DNAH9: variants seen among roughly 807,000 people sequenced by gnomAD.
The protein encoded by DNAH9 is dynein axonemal heavy chain 9, also known as DNAH9 variant protein.
Under a neutral mutation model 471.6 loss-of-function variants are expected in DNAH9, and 345 were observed. That is an observed-to-expected ratio of 0.73 (90% confidence interval 0.67 to 0.80). The LOEUF is 0.80. DNAH9 is among the 30% of genes least tolerant of loss of function. The pLI is 0.00. For missense variants in DNAH9, 5,407 were observed against 5,609.2 expected (o/e 0.96, Z 1.15); for synonymous variants, 2,093 against 2,123.6 (o/e 0.99, Z 0.40).
At chr17:11,748,029 G>A (rs952685520) in intron 32 of DNAH9, among the ~76,000 whole-genome samples, 3 of 151,978 alleles carry the variant, frequency 2.0e-5, no homozygotes, top group African/African-American at 7.3e-5. Context: ...AGCTGGCTGG[G>A]CACAGTGGCT....
intron 45 of DNAH9, among the ~76,000 whole-genome samples, chr17:11,813,045 GAC>G (rs1969980710): frequency 6.6e-6 from 1 of 152,030 alleles, no homozygotes; most frequent in South Asian, 2.1e-4. Context: ...TAACATCTGA[GAC>G]ACAGAGTTGT....
chr17:11,924,993 G>A (rs1330107723), intron 62 of DNAH9, among the ~76,000 whole-genome samples: 4 of 152,050 alleles, frequency 2.6e-5, no homozygotes, highest in African/African-American at 9.7e-5. Context: ...TCTCAGGGCC[G>A]GCCTGCCTAA....
At chr17:11,615,611 G>A (rs1047245795) in intron 4 of DNAH9, among the ~76,000 whole-genome samples, 1 of 151,840 alleles carries the variant, frequency 6.6e-6, no homozygotes, top group African/African-American at 2.4e-5. Flanking sequence ...AAAAAGGTAT[G>A]AGCCCAGCTC....
intron 11 of DNAH9, 50 bp from the exon 12 acceptor site, chr17:11,647,022 G>C: frequency 6.2e-7 from 1 of 1,601,468 alleles, no homozygotes; most frequent in Non-Finnish European, 8.5e-7. Context: ...CCAGGCACCG[G>C]TGAGCTGGGA....
In DNAH9 at chr17:11,714,293, A is replaced by G. The variant is rs191044948; in HGVS notation, c.5553-5041A>G. The stretch of plus-strand genomic sequence containing the variant: ...ATGGTTGGAAGATTACTTTACATTC[A>G]TCCCTCTTAAATTGGATTTTGTTGG... On this transcript the variant is annotated intron_variant, in intron 26 of 68. Transcript: ENST00000262442. Among the ~76,000 whole-genome samples the G allele has an allele frequency of 3.4e-3, 519 of 152,272 alleles. 3 individuals carry two copies. Among genetic ancestry groups the G allele is most frequent in the Non-Finnish European group, 5.1e-3 (350 of 68,024 alleles).
chr17:11,946,067 G>C (rs1224849152), intron 67 of DNAH9, among the ~76,000 whole-genome samples: 1 of 151,896 alleles, frequency 6.6e-6, no homozygotes, highest in Non-Finnish European at 1.5e-5. Context: ...AGGCGTGGTG[G>C]CACGCACCTG....
At chr17:11,613,079 G>A (rs2150644491) in intron 4 of DNAH9, among the ~76,000 whole-genome samples, 1 of 152,338 alleles carries the variant, frequency 6.6e-6, no homozygotes, top group Non-Finnish European at 1.5e-5. Flanking sequence ...ACTGGCATAA[G>A]TTGTTAGTCT....
In DNAH9 at chr17:11,669,419, T is replaced by C; in HGVS notation, c.2978T>C (p.Met993Thr). 1 of 1,614,042 alleles carries C rather than the reference T, an allele frequency of 6.2e-7. No homozygotes were observed. Among genetic ancestry groups the C allele is most frequent in the Non-Finnish European group, 8.5e-7 (1 of 1,179,998 alleles). The change falls in exon 17 of 69, where the codon ATG becomes ACG. Residue 993 changes from methionine to threonine, a missense_variant. This residue lies in a region of DNAH9 where 4,636 missense variants were observed against 4,900.3 expected (regional missense o/e 0.95). Coordinates refer to ENST00000262442, the MANE Select transcript of DNAH9 (RefSeq NM_001372.4). ...TTGGCAAACATGCGGCGCACACTCA[T>C]GGAGAGAGTCCAGAGAATGATGGGC... ...PDLANMRRTL[M>T]ERVQRMMGLC...
intron 19 of DNAH9, among the ~76,000 whole-genome samples, 200 bp from the exon 20 acceptor site, chr17:11,689,366 G>GTTT (rs56124130): frequency 1.5e-3 from 222 of 146,372 alleles, no homozygotes; most frequent in African/African-American, 5.4e-3. Context: ...TCCTGAGTGT[G>GTTT]TTTTTTTTTT....
rs746045958 is a variant in DNAH9, at chr17:11,640,261, T to C, written c.1787-9T>C. ...GACTCATTTCGGTCTGTCTGTGCCA[T>C]GTCTCCAGGGTTCTCCCCGGTGCAC... On this transcript the variant is annotated splice_polypyrimidine_tract_variant and intron_variant, in intron 9 of 68. Coordinates refer to ENST00000262442, the MANE Select transcript of DNAH9 (RefSeq NM_001372.4). 1.9e-6 allele frequency: 3 copies of C among 1,592,850 alleles called. No homozygotes were observed. Among genetic ancestry groups the C allele is most frequent in the Admixed American group, 1.7e-5 (1 of 58,658 alleles).
In DNAH9 at chr17:11,652,889, A is replaced by C. The variant is rs761461230; in HGVS notation, c.2482A>C (p.Thr828Pro). ...MKTWVTPIFK[T>P]KDGKRESLLS... Reference sequence around the variant, plus strand: ...AACATGGGTGACTCCAATATTTAAGACAAAAGATGGAAAAAGGGAATCCCT... The same window carrying C: ...AACATGGGTGACTCCAATATTTAAGCCAAAAGATGGAAAAAGGGAATCCCT... The change falls in exon 14 of 69, where the codon ACA (threonine) becomes CCA (proline). Residue 828 changes from threonine (T) to proline (P), a missense_variant. Physicochemically the swap from Thr to Pro is conservative, Grantham distance 38. Transcript: ENST00000262442. 1 of 1,614,104 alleles carries C rather than the reference A, an allele frequency of 6.2e-7. No individual in the cohort carries two copies. Among genetic ancestry groups the C allele is most frequent in the Non-Finnish European group, 8.5e-7 (1 of 1,179,948 alleles).
chr17:11,877,725 C>A (rs75968272), intron 53 of DNAH9, among the ~76,000 whole-genome samples: 14,300 of 152,016 alleles, frequency 0.094, 774 homozygotes, highest in African/African-American at 0.15. Flanking sequence ...ATGCATCCAT[C>A]TTATAGAGCA....
rs62060932 is a variant in DNAH9, at chr17:11,875,366, T to C, written c.10478+182T>C. Among the ~76,000 whole-genome samples, 1,169 of 152,266 alleles carry C rather than the reference T, an allele frequency of 7.7e-3. 7 individuals are homozygous for C. The highest frequency in any genetic ancestry group is 0.016 in the African/African-American group (655 of 41,562). On this transcript the variant is annotated intron_variant, in intron 53 of 68. Coordinates refer to ENST00000262442, the MANE Select transcript of DNAH9 (RefSeq NM_001372.4). ...GAAAGATGCCTGGGTACTAAGTCTTTGCTTTTTATCCACATGAGAAATTAT... is the reference window on the plus strand; with the variant it reads ...GAAAGATGCCTGGGTACTAAGTCTTCGCTTTTTATCCACATGAGAAATTAT...
chr17:11,629,044 T>C (rs993197701), intron 6 of DNAH9, among the ~76,000 whole-genome samples: 1 of 152,180 alleles, frequency 6.6e-6, no homozygotes, highest in Non-Finnish European at 1.5e-5. Flanking sequence ...TTTCCAACTT[T>C]TCTCATTCAC....
At chr17:11,771,319 G>A (rs768909629) in intron 38 of DNAH9, among the ~76,000 whole-genome samples, 1 of 152,170 alleles carries the variant, frequency 6.6e-6, no homozygotes, top group Non-Finnish European at 1.5e-5. Flanking sequence ...AGTGGAGACA[G>A]GGTTTCACCA....
At position 11,626,934 on chromosome 17, in the gene DNAH9, C is replaced by T. The variant is rs1004869761; in HGVS notation, c.1351-2483C>T. Reference sequence around the variant, plus strand: ...GTTCAGGGTCAGGGACTCTTCCAGGCACTGGAAATACCGAGATACCTTTGG... The same window carrying T: ...GTTCAGGGTCAGGGACTCTTCCAGGTACTGGAAATACCGAGATACCTTTGG... On this transcript the variant is annotated intron_variant, in intron 6 of 68. Transcript: ENST00000262442. This position sits in a 1 kb window ranked among gnomAD's most constrained non-coding sequence, Gnocchi z 4.3. Among the ~76,000 whole-genome samples the T allele has an allele frequency of 6.6e-6, 1 of 152,110 alleles. No individual in the cohort carries two copies. The highest frequency in any genetic ancestry group is 1.5e-5 in the Non-Finnish European group (1 of 68,028).
chr17:11,824,711 G>A (rs1043591521), intron 48 of DNAH9, among the ~76,000 whole-genome samples: 1 of 151,856 alleles, frequency 6.6e-6, no homozygotes, highest in Non-Finnish European at 1.5e-5. Flanking sequence ...CAACCCTTTC[G>A]CATTTTATCC....
intron 42 of DNAH9, among the ~76,000 whole-genome samples, chr17:11,794,513 GTCTTC>G (rs1969176986): frequency 1.3e-5 from 2 of 152,144 alleles, no homozygotes; most frequent in African/African-American, 2.4e-5. Context: ...CTCTTCCTGA[GTCTTC>G]TCTTCTCCAG....
intron 49 of DNAH9, among the ~76,000 whole-genome samples, chr17:11,848,823 A>G (rs1242741997): frequency 6.6e-6 from 1 of 151,774 alleles, no homozygotes; most frequent in African/African-American, 2.4e-5. Context: ...TAGAAGAACT[A>G]GTGACCTTCT....
Sources: allele counts gnomAD v4.1 joint callset (sites outside exome capture counted in the v4.1 genomes callset), GRCh38; gene constraint gnomAD v4.1.1; regional missense constraint gnomAD v4.1.1; non-coding constraint Gnocchi (gnomAD v3.1); transcripts MANE v1.5; gene names NCBI Gene and HGNC (gene_info 2026-07-23, HGNC 2026-07-21).